PLSCR5: variants seen among roughly 807,000 people sequenced by gnomAD.
The protein encoded by PLSCR5 is phospholipid scramblase family member 5, also known as phospholipid scramblase family, member 5.
In PLSCR5, 44 loss-of-function variants were observed where a neutral mutation model predicts 33.6. The observed-to-expected ratio is 1.31, with a 90% confidence interval of 1.03 to 1.69. The LOEUF is 1.69. Ranked by LOEUF, PLSCR5 falls within the 40% of genes most tolerant of loss-of-function variation. PLSCR5 has a pLI of 0.00. For synonymous variants in PLSCR5, 148 were observed against 112.3 expected (o/e 1.32, Z -2.01); for missense variants, 375 against 318.7 (o/e 1.18, Z -1.34).
chr3:146,601,769 G>C (rs1468490590), intron 1 of PLSCR5, among the ~76,000 whole-genome samples: 1 of 151,940 alleles, frequency 6.6e-6, no homozygotes, highest in East Asian at 1.9e-4. Flanking sequence ...GGGGCAGGGG[G>C]GTGGTGAAGA....
chr3:146,599,312 C>T (rs991438715), intron 2 of PLSCR5, among the ~76,000 whole-genome samples: 1 of 152,144 alleles, frequency 6.6e-6, no homozygotes, highest in African/African-American at 2.4e-5. Flanking sequence ...GTGGTATCAG[C>T]AGACAATGTT....
At chr3:146,576,782 C>A (rs777330258) in intron 7 of PLSCR5, 1 of 148,752 alleles carries the variant, frequency 6.7e-6, no homozygotes, top group East Asian at 1.9e-4. Flanking sequence ...GGCTAGAGAT[C>A]TATAATGGGA....
chr3:146,578,782 T>G (rs2044615167), intron 7 of PLSCR5, among the ~76,000 whole-genome samples: 1 of 152,140 alleles, frequency 6.6e-6, no homozygotes, highest in Non-Finnish European at 1.5e-5. Context: ...AATATCAAAT[T>G]TTAATATTTG....
intron 3 of PLSCR5, 28 bp from the exon 4 acceptor site, chr3:146,594,168 A>C (rs1346319566): frequency 6.5e-6 from 10 of 1,532,422 alleles, no homozygotes; most frequent in Middle Eastern, 1.8e-4. Flanking sequence ...AAATTATAAA[A>C]ACATTTTTTT....
At chr3:146,585,164 T>G (rs2044657986), downstream of PLSCR5, among the ~76,000 whole-genome samples, 5 of 152,138 alleles carry the variant, frequency 3.3e-5, 1 homozygote, top group South Asian at 1.0e-3. Flanking sequence ...TTTAATTGAA[T>G]GTACTGGACT....
chr3:146,587,198 AG>A (rs1449004147), intron 6 of PLSCR5, among the ~76,000 whole-genome samples: 1 of 152,166 alleles, frequency 6.6e-6, no homozygotes, highest in East Asian at 1.9e-4. Context: ...GCGAGCTTCT[AG>A]GTGGTGCAGA....
At chr3:146,576,953 G>A (rs1288190754) in intron 7 of PLSCR5, among the ~76,000 whole-genome samples, 1 of 151,806 alleles carries the variant, frequency 6.6e-6, no homozygotes, top group Non-Finnish European at 1.5e-5. Context: ...AAAAGAAATT[G>A]TTTATGACAC....
Position 146,594,141 on chromosome 3 carries a change from C to T in PLSCR5, c.233-1G>A, listed in dbSNP as rs953142021. On this transcript the variant is annotated splice_acceptor_variant, in intron 3 of 7. Coordinates refer to ENST00000443512, the MANE Select transcript of PLSCR5 (RefSeq NM_001085420.2). LOFTEE classifies it high-confidence loss of function. ...TTGGAGGTCTCAGTACCAAGTATCA[C>T]TAATGGAACAAAAAAAAAATTATAA... is the stretch of plus-strand genomic sequence containing the variant. 1 of 1,587,450 alleles carries T rather than the reference C, an allele frequency of 6.3e-7. No homozygotes were observed. The highest frequency in any genetic ancestry group is 8.6e-7 in the Non-Finnish European group (1 of 1,166,640).
At chr3:146,577,478 A>T (rs575416181) in intron 7 of PLSCR5, among the ~76,000 whole-genome samples, 3 of 152,154 alleles carry the variant, frequency 2.0e-5, no homozygotes, top group Non-Finnish European at 4.4e-5. Context: ...CTCTTAAATG[A>T]CAAATAGAAA....
intron 2 of PLSCR5, among the ~76,000 whole-genome samples, chr3:146,598,938 C>A (rs1028123387): frequency 2.6e-5 from 4 of 152,180 alleles, no homozygotes; most frequent in Non-Finnish European, 5.9e-5. Context: ...CAGCTTAAAC[C>A]CTATCAGGCA....
intron 1 of PLSCR5, 58 bp from the exon 2 acceptor site, chr3:146,600,521 T>A (rs748645372): frequency 2.4e-5 from 33 of 1,398,842 alleles, no homozygotes; most frequent in Non-Finnish European, 3.1e-5. Flanking sequence ...TATTTAGTCC[T>A]TCTTAAAGTA....
intron 2 of PLSCR5, 120 bp downstream of exon 2, chr3:146,600,167 CT>C: frequency 1.4e-6 from 1 of 728,250 alleles, no homozygotes; most frequent in Non-Finnish European, 1.9e-6. Flanking sequence ...ATTTATAATG[CT>C]TTTTTCATTT....
chr3:146,591,964 C>T lies in PLSCR5; in HGVS notation c.454-83G>A, dbSNP rs554622059. 4.4e-6 allele frequency: 5 copies of T among 1,135,400 alleles called. No homozygotes were observed. The East Asian group carries it at 1.3e-4, about 30-fold the overall frequency. The allele number at this position is 1,135,400 out of a possible 1,614,324, so 70.3% of individuals were successfully genotyped here. A position where few individuals can be genotyped will look rare whatever the true frequency, so the allele number is the denominator to read the frequency against. On this transcript the variant is annotated intron_variant, in intron 4 of 7. Transcript: ENST00000443512. ...ACTATAATGTCAATTTACCTGTAAA[C>T]AATATACTGTTATAAAATTATTTTG...
At chr3:146,579,817 G>C (rs1227694427) in intron 7 of PLSCR5, among the ~76,000 whole-genome samples, 1 of 152,110 alleles carries the variant, frequency 6.6e-6, no homozygotes, top group African/African-American at 2.4e-5. Context: ...GGATACGTGG[G>C]GCACAGCTGA....
At chr3:146,591,971 C>A in intron 4 of PLSCR5, 90 bp from the exon 5 acceptor site, 1 of 1,093,504 alleles carries the variant, frequency 9.1e-7, no homozygotes, top group Non-Finnish European at 1.3e-6. Context: ...AAACAATATA[C>A]TGTTATAAAA....
rs542792957 is a variant in PLSCR5 at position 146,585,872 on chromosome 3, T to G, written c.*115A>C. On this transcript the variant is annotated 3_prime_UTR_variant, in exon 8 of 8. Coordinates refer to ENST00000443512, the MANE Select transcript of PLSCR5 (RefSeq NM_001085420.2). ...AAACTGTTTTAATAAATATAATAAT[T>G]AACATTTTTTTTTAACAAAAAAGCA... is the stretch of plus-strand genomic sequence containing the variant. The G allele has an allele frequency of 2.3e-6, 1 of 436,178 alleles. No homozygotes were observed. The highest frequency in any genetic ancestry group is 5.1e-5 in the Admixed American group (1 of 19,548). 27.0% of individuals were successfully genotyped at this position (436,178 alleles called of 1,614,324 possible).
chr3:146,603,415 T>C (rs937027673), intron 1 of PLSCR5, among the ~76,000 whole-genome samples: 1 of 152,104 alleles, frequency 6.6e-6, no homozygotes, highest in African/African-American at 2.4e-5. Context: ...TAGTATGAAG[T>C]CTCTAATAGG....
chr3:146,602,363 G>A (rs1038114039), intron 1 of PLSCR5, among the ~76,000 whole-genome samples: 1 of 152,146 alleles, frequency 6.6e-6, no homozygotes, highest in Admixed American at 6.6e-5. Flanking sequence ...AGTGCAAAAT[G>A]TACCATTGTC....
chr3:146,602,999 A>G (rs543709221), intron 1 of PLSCR5, among the ~76,000 whole-genome samples: 12 of 152,204 alleles, frequency 7.9e-5, no homozygotes, highest in African/African-American at 2.9e-4. Context: ...CATTGAAGCA[A>G]CCTTTGGAGA....
Sources: gnomAD v4.1 joint callset for allele counts (sites outside exome capture counted in the v4.1 genomes callset) on GRCh38, gnomAD v4.1.1 for gene constraint, MANE v1.5 for transcripts, NCBI Gene and HGNC (gene_info 2026-07-23, HGNC 2026-07-21) for gene names.